GSN: variants seen among roughly 807,000 people sequenced by gnomAD.
GSN encodes the protein actin-depolymerizing factor.
A neutral mutation model predicts 85.7 loss-of-function variants in GSN; 56 were observed. The ratio of observed to expected loss-of-function variants is 0.65; its 90% confidence interval spans 0.53 to 0.82. The LOEUF (loss-of-function observed/expected upper bound fraction) is 0.82, where lower values mean the gene tolerates loss of function less well. Ranked by LOEUF, GSN falls within the 40% of genes least tolerant of loss-of-function variation. The pLI is 0.00. For synonymous variants in GSN, 373 were observed against 399.1 expected (o/e 0.93, Z 0.78); for missense variants, 857 against 979.8 (o/e 0.87, Z 1.67).
intron 4 of GSN, among the ~76,000 whole-genome samples, chr9:121,306,554 C>T (rs7025046): frequency 0.044 from 6,707 of 152,196 alleles, 512 homozygotes; most frequent in African/African-American, 0.15. Flanking sequence ...TATAGGTAGA[C>T]AGACACATAT....
chr9:121,218,815 G>C (rs1316707664), intron 4 of GSN, among the ~76,000 whole-genome samples: 1 of 152,166 alleles, frequency 6.6e-6, no homozygotes, highest in Non-Finnish European at 1.5e-5. Flanking sequence ...TTCTGTTGTA[G>C]GCATACATGC....
At chr9:121,212,647 T>C (rs983235103) in intron 4 of GSN, among the ~76,000 whole-genome samples, 1 of 143,250 alleles carries the variant, frequency 7.0e-6, no homozygotes, top group African/African-American at 2.8e-5. Context: ...TCCTTGGCCT[T>C]TTTTTTTTTT....
rs375589943 is a variant in GSN, at chr9:121,312,373, G to A, written c.548G>A (p.Arg183Gln). The A allele has an allele frequency of 6.2e-7, 1 of 1,614,106 alleles. No homozygotes were observed. Among genetic ancestry groups the A allele is most frequent in the Non-Finnish European group, 8.5e-7 (1 of 1,179,980 alleles). Residue 183 changes from arginine to glutamine, a missense_variant, in exon 6 of 18, where the codon CGG (arginine) becomes CAG (glutamine). By Grantham distance (43) the Arg-to-Gln change is conservative. Coordinates refer to ENST00000432226, the MANE Select transcript of GSN (RefSeq NM_198252.3). The stretch of plus-strand genomic sequence containing the variant: ...CAGTGGTGTGGTTCCAACAGCAATC[G>A]GTATGAAAGACTGAAGGCCACACAG... Reference protein sequence around the residue: ...IHQWCGSNSNRYERLKATQVS... With the variant: ...IHQWCGSNSNQYERLKATQVS...
chr9:121,204,204 G>A (rs1158918236), upstream of GSN, among the ~76,000 whole-genome samples: 1 of 152,194 alleles, frequency 6.6e-6, no homozygotes, highest in Non-Finnish European at 1.5e-5. Context: ...CATGAAGTCA[G>A]TACTATATTT....
chr9:121,229,395 T>G (rs2054342804), intron 4 of GSN, among the ~76,000 whole-genome samples: 1 of 152,072 alleles, frequency 6.6e-6, no homozygotes, highest in African/African-American at 2.4e-5. Flanking sequence ...TAATTTTGTA[T>G]TTTTAGTAGA....
chr9:121,314,140 G>A (rs1465959138), intron 7 of GSN, 117 bp downstream of exon 7: 16 of 818,424 alleles, frequency 2.0e-5, no homozygotes, highest in Non-Finnish European at 2.5e-5. Context: ...TTGGAGGGGG[G>A]CCTCAGCTTT....
At chr9:121,273,547 G>A (rs1026539909) in intron 1 of GSN, among the ~76,000 whole-genome samples, 2 of 152,000 alleles carry the variant, frequency 1.3e-5, no homozygotes, top group African/African-American at 4.8e-5. Context: ...AAAAAGAAGT[G>A]TTCATAACTA....
chr9:121,320,518 A>G (rs1237730827), intron 10 of GSN, among the ~76,000 whole-genome samples: 1 of 152,100 alleles, frequency 6.6e-6, no homozygotes, highest in African/African-American at 2.4e-5. Context: ...GGTGGCAGGC[A>G]CCTGTAATCC....
In GSN at chr9:121,299,583, G is replaced by A. The variant is rs1384901432; in HGVS notation, c.-9-2380G>A. ...AGGAGGCTCAGCTGGGCTCGCCGCCGCTCGTGCCTGCGCCCATTTAGTGTG... is the reference window on the plus strand; with the variant it reads ...AGGAGGCTCAGCTGGGCTCGCCGCCACTCGTGCCTGCGCCCATTTAGTGTG... On this transcript the variant is annotated intron_variant, in intron 2 of 17. Coordinates refer to ENST00000432226, the MANE Select transcript of GSN (RefSeq NM_198252.3). This position sits in a 1 kb window ranked among gnomAD's most constrained non-coding sequence, Gnocchi z 4.2. 1.2e-5 allele frequency: 7 copies of A among 595,274 alleles called. No individual in the cohort carries two copies. The highest frequency in any genetic ancestry group is 1.5e-5 in the Non-Finnish European group (7 of 473,428). 36.9% of individuals were successfully genotyped at this position (595,274 alleles called of 1,614,324 possible).
intron 5 of GSN, chr9:121,238,138 G>A (rs2054534188): frequency 3.3e-5 from 5 of 152,282 alleles, no homozygotes; most frequent in Admixed American, 2.6e-4. Flanking sequence ...AGTCTCAAGG[G>A]TAAAATTTAC....
chr9:121,300,229 G>T (rs557413443), intron 2 of GSN: 1 of 794,968 alleles, frequency 1.3e-6, no homozygotes, highest in South Asian at 1.4e-5. Flanking sequence ...ACCTTGGCCG[G>T]ATTTCTTTTC....
intron 5 of GSN, among the ~76,000 whole-genome samples, chr9:121,246,227 A>G (rs1303239258): frequency 6.6e-6 from 1 of 152,060 alleles, no homozygotes; most frequent in African/African-American, 2.4e-5. Context: ...TACTCTTTCT[A>G]CATTTGAGTG....
intron 1 of GSN, among the ~76,000 whole-genome samples, chr9:121,269,914 C>G (rs1210235833): frequency 6.6e-6 from 1 of 152,216 alleles, no homozygotes; most frequent in African/African-American, 2.4e-5. Context: ...GTGTTCTGTG[C>G]CTTGCCCTGC....
chr9:121,267,043 G>C (rs942642202), upstream of GSN, among the ~76,000 whole-genome samples: 1 of 152,172 alleles, frequency 6.6e-6, no homozygotes, highest in Non-Finnish European at 1.5e-5. Flanking sequence ...TGTGTTAAGA[G>C]GGAGCTTTAC....
intron 4 of GSN, chr9:121,231,109 C>A (rs2054380284): frequency 1.3e-5 from 2 of 152,224 alleles, no homozygotes; most frequent in African/African-American, 4.8e-5. Context: ...CAACGAGAAG[C>A]AAAGCTGGGA....
chr9:121,281,711 G>A (rs548995877), intron 2 of GSN, 149 bp downstream of exon 2: 2 of 471,252 alleles, frequency 4.2e-6, no homozygotes, highest in Admixed American at 2.3e-5. Flanking sequence ...ATAAGGCTCA[G>A]AGTGCGTCTC....
intron 4 of GSN, among the ~76,000 whole-genome samples, chr9:121,228,078 T>C (rs2054304323): frequency 6.6e-6 from 1 of 152,026 alleles, no homozygotes. Context: ...ATCTTAACGG[T>C]GGTGCAGTCA....
intron 10 of GSN, 52 bp from the exon 11 acceptor site, chr9:121,321,216 G>A (rs1047778949): frequency 1.9e-6 from 3 of 1,607,500 alleles, no homozygotes; most frequent in African/African-American, 2.7e-5. Context: ...GCTTGCCTGA[G>A]CTGGGGGGTG....
At chr9:121,248,621 A>G (rs2054750938) in intron 6 of GSN, among the ~76,000 whole-genome samples, 1 of 152,204 alleles carries the variant, frequency 6.6e-6, no homozygotes, top group Non-Finnish European at 1.5e-5. Context: ...AAAGCTAAAA[A>G]TGGATACAAT....
Sources: allele counts gnomAD v4.1 joint callset (sites outside exome capture counted in the v4.1 genomes callset), GRCh38; gene constraint gnomAD v4.1.1; non-coding constraint Gnocchi (gnomAD v3.1); transcripts MANE v1.5; gene names NCBI Gene and HGNC (gene_info 2026-07-23, HGNC 2026-07-21).